The following HTRA4 variants were observed in gnomAD, a reference collection of about 807,000 sequenced individuals.
HTRA4 encodes HtrA serine peptidase 4.
Under a neutral mutation model 49.1 loss-of-function variants are expected in HTRA4, and 46 were observed. The ratio of observed to expected loss-of-function variants is 0.94; its 90% CI spans 0.74 to 1.20. The LOEUF is 1.20. HTRA4 is among the 50% of genes most tolerant of loss of function. HTRA4 has a pLI of 0.00. For synonymous variants in HTRA4, 261 were observed against 264.0 expected (o/e 0.99, Z 0.11); for missense variants, 602 against 636.9 (o/e 0.95, Z 0.59).
intron 7 of HTRA4, among the ~76,000 whole-genome samples, 172 bp from the exon 8 acceptor site, chr8:38,982,781 T>C (rs4733962): frequency 0.43 from 64,668 of 152,012 alleles, 14,196 homozygotes; most frequent in East Asian, 0.75. Flanking sequence ...TTCTAGGCTT[T>C]GGGATAGAGG....
At chr8:38,978,946 A>C (rs1416013790) in intron 4 of HTRA4, among the ~76,000 whole-genome samples, 1 of 141,474 alleles carries the variant, frequency 7.1e-6, no homozygotes, top group Non-Finnish European at 1.5e-5. Context: ...GTGAGTCGAG[A>C]TTGCGCCATT....
At chr8:38,979,129 T>C in intron 4 of HTRA4, 86 bp from the exon 5 acceptor site, 1 of 1,284,424 alleles carries the variant, frequency 7.8e-7, no homozygotes, top group Non-Finnish European at 1.1e-6. Flanking sequence ...CTGCTTTTGG[T>C]AAACTGTTTT....
Position 38,977,965 on chromosome 8 carries a change from G to A in HTRA4, c.784G>A (p.Val262Ile), listed in dbSNP as rs1201907880. ...TGGGCACGTGCAGGCTGAACTTCCTGTACTGATGCTGGGAAGATCATCTGA... is the reference window on the plus strand; with the variant it reads ...TGGGCACGTGCAGGCTGAACTTCCTATACTGATGCTGGGAAGATCATCTGA... ...IKIESNAELPVLMLGRSSDLR... is the reference protein window; with the variant it reads ...IKIESNAELPILMLGRSSDLR... The change falls in exon 4 of 9, where the codon GTA becomes ATA. Residue 262 changes from valine (V) to isoleucine (I), a missense_variant. By Grantham distance (29) the Val-to-Ile change is conservative. Transcript: ENST00000302495. The A allele has an allele frequency of 1.2e-6, 2 of 1,613,918 alleles. No individual in the cohort carries two copies. Among genetic ancestry groups the A allele is most frequent in the Non-Finnish European group, 1.7e-6 (2 of 1,179,970 alleles).
At chr8:38,977,854 C>G in intron 3 of HTRA4, 99 bp from the exon 4 acceptor site, 1 of 1,233,508 alleles carries the variant, frequency 8.1e-7, no homozygotes, top group East Asian at 2.4e-5. Flanking sequence ...GTGATAGAGA[C>G]AGCGTCATAT....
At chr8:38,987,057 T>C (rs1835490179) in intron 8 of HTRA4, among the ~76,000 whole-genome samples, 1 of 152,204 alleles carries the variant, frequency 6.6e-6, no homozygotes, top group Non-Finnish European at 1.5e-5. Context: ...TTGATTTTAG[T>C]TTTATACTTA....
intron 8 of HTRA4, among the ~76,000 whole-genome samples, chr8:38,985,889 G>T (rs1274015665): frequency 6.6e-6 from 1 of 152,196 alleles, no homozygotes; most frequent in Non-Finnish European, 1.5e-5. Context: ...ATTAGTGCTG[G>T]AAGTTGCTGA....
intron 8 of HTRA4, among the ~76,000 whole-genome samples, chr8:38,985,161 CTTTTTTTTT>C (rs773305917): frequency 7.7e-6 from 1 of 130,706 alleles, no homozygotes; most frequent in African/African-American, 2.8e-5. Flanking sequence ...TGTTGTACTT[CTTTTTTTTT>C]TTTTTTTTTG....
At chr8:38,977,220 G>A (rs1018177839) in intron 3 of HTRA4, among the ~76,000 whole-genome samples, 20 of 151,180 alleles carry the variant, frequency 1.3e-4, no homozygotes, top group Non-Finnish European at 2.1e-4. Context: ...ACAGGTGTGA[G>A]CCACTGCGCT....
intron 8 of HTRA4, among the ~76,000 whole-genome samples, chr8:38,984,450 A>G (rs564389444): frequency 5.6e-4 from 85 of 151,726 alleles, no homozygotes; most frequent in African/African-American, 2.0e-3. Flanking sequence ...CTGTCTCTAC[A>G]AAAAATAAAA....
intron 7 of HTRA4, 95 bp from the exon 8 acceptor site, chr8:38,982,858 C>A (rs554751668): frequency 1.3e-6 from 1 of 799,094 alleles, no homozygotes; most frequent in South Asian, 1.8e-5. Context: ...CCCTTGTGAA[C>A]CTTGAGCAGA....
intron 8 of HTRA4, among the ~76,000 whole-genome samples, chr8:38,985,861 G>A (rs1835477450): frequency 6.6e-6 from 1 of 152,198 alleles, no homozygotes; most frequent in South Asian, 2.1e-4. Context: ...TGATTCATGT[G>A]TATGTTAAAA....
intron 3 of HTRA4, among the ~76,000 whole-genome samples, chr8:38,977,248 T>C (rs988644604): frequency 6.6e-6 from 1 of 150,624 alleles, no homozygotes; most frequent in Non-Finnish European, 1.5e-5. Flanking sequence ...TAACTGTTTC[T>C]ATTAACTATC....
In HTRA4 at chr8:38,988,220, G is replaced by A; in HGVS notation, c.*122G>A. On this transcript the variant is annotated 3_prime_UTR_variant, in exon 9 of 9. Coordinates refer to ENST00000302495, the MANE Select transcript of HTRA4 (RefSeq NM_153692.4). The stretch of plus-strand genomic sequence containing the variant: ...GGATCTTTTTCTTACAAAGAAAAAT[G>A]GATGGTTATCAACCCAAATGCCCAT... 1.1e-6 allele frequency: 1 copy of A among 874,572 alleles called. No homozygotes were observed. Among genetic ancestry groups the A allele is most frequent in the South Asian group, 1.9e-5 (1 of 53,082 alleles). The allele number at this position is 874,572 out of a possible 1,614,324, so 54.2% of individuals were successfully genotyped here.
At chr8:38,980,571 T>C (rs1483048250) in intron 5 of HTRA4, among the ~76,000 whole-genome samples, 1 of 94,038 alleles carries the variant, frequency 1.1e-5, no homozygotes, top group Non-Finnish European at 2.1e-5. Context: ...CTACCTAACA[T>C]ACAAAAAAAA....
At chr8:38,981,788 T>A (rs1564179789) in intron 6 of HTRA4, 21 bp downstream of exon 6, 1 of 1,557,562 alleles carries the variant, frequency 6.4e-7, no homozygotes, top group Admixed American at 1.7e-5. Context: ...TTGGGATTTT[T>A]TTTTTTTTGG....
At chr8:38,977,773 C>A (rs909672667) in intron 3 of HTRA4, among the ~76,000 whole-genome samples, 180 bp from the exon 4 acceptor site, 1 of 152,078 alleles carries the variant, frequency 6.6e-6, no homozygotes, top group African/African-American at 2.4e-5. Flanking sequence ...GGTAGTTGGA[C>A]TTTGAGGAAG....
intron 8 of HTRA4, among the ~76,000 whole-genome samples, chr8:38,985,455 G>A (rs755088869): frequency 6.6e-6 from 1 of 152,144 alleles, no homozygotes; most frequent in African/African-American, 2.4e-5. Flanking sequence ...CACCGCCCGC[G>A]GTCTGTACTT....
At position 38,988,281 on chromosome 8, in the gene HTRA4, T is replaced by C. The variant is rs1835511937; in HGVS notation, c.*183T>C. ...CTGGATAAAGCAAATGTGGTACATA[T>C]ACACCATGGAATACTATGCAGCCAT... On this transcript the variant is annotated 3_prime_UTR_variant, in exon 9 of 9. Coordinates refer to ENST00000302495, the MANE Select transcript of HTRA4 (RefSeq NM_153692.4). 2 of 542,814 alleles carry C rather than the reference T, an allele frequency of 3.7e-6. No homozygotes were observed. The highest frequency in any genetic ancestry group is 1.9e-5 in the African/African-American group (1 of 51,342). The allele number at this position is 542,814 out of a possible 1,614,324, so 33.6% of individuals were successfully genotyped here.
At chr8:38,980,634 A>G (rs1456568972) in intron 5 of HTRA4, among the ~76,000 whole-genome samples, 7 of 151,848 alleles carry the variant, frequency 4.6e-5, no homozygotes, top group Non-Finnish European at 1.5e-5. Context: ...GCTACTTGGG[A>G]GGCTGAGGCA....
Sources: gnomAD v4.1 joint callset for allele counts (sites outside exome capture counted in the v4.1 genomes callset) on GRCh38, gnomAD v4.1.1 for gene constraint, MANE v1.5 for transcripts, NCBI Gene and HGNC (gene_info 2026-07-23, HGNC 2026-07-21) for gene names.